The following TMEM132D variants were observed in gnomAD, a reference collection of about 807,000 sequenced individuals.
TMEM132D encodes the protein transmembrane protein 132D, also known as mature OL transmembrane protein.
TMEM132D carries 21 observed loss-of-function variants against 62.3 expected under a neutral mutation model. The observed-to-expected ratio is 0.34, with a 90% CI of 0.24 to 0.49. TMEM132D has a LOEUF of 0.49. TMEM132D is among the 20% of genes least tolerant of loss of function. The probability of loss-of-function intolerance (pLI) is 0.99; values close to 1 mark genes in which losing one functional copy is unlikely to be tolerated. For missense variants in TMEM132D, 1,346 were observed against 1,402.8 expected (o/e 0.96, Z 0.65); for synonymous variants, 621 against 575.6 (o/e 1.08, Z -1.13).
intron 2 of TMEM132D, among the ~76,000 whole-genome samples, chr12:129,682,079 T>C (rs1458010767): frequency 1.3e-5 from 2 of 152,234 alleles, no homozygotes; most frequent in African/African-American, 4.8e-5. Context: ...GCTTTGACCA[T>C]GGTCCTCTTT....
chr12:129,144,900 C>CTCTATCTATCTA lies in TMEM132D; in HGVS notation c.1444-60210_1444-60199dup, dbSNP rs35319395. ...TACCATTCACCTATTATCTATCCTGCTCTATCTATCTATCTATCTATCTAT... is the reference window on the plus strand; with the variant it reads ...TACCATTCACCTATTATCTATCCTGCTCTATCTATCTATCTATCTATCTATCTATCTATCTAT... On this transcript the variant is annotated intron_variant, in intron 5 of 8. Transcript: ENST00000422113. Among the ~76,000 whole-genome samples, 589 of 150,972 alleles carry CTCTATCTATCTA rather than the reference C, an allele frequency of 3.9e-3. 9 individuals carry two copies. The highest frequency in any genetic ancestry group is 0.013 in the African/African-American group (554 of 41,090).
chr12:129,795,627 G>A (rs1385341328), intron 1 of TMEM132D, among the ~76,000 whole-genome samples: 7 of 152,252 alleles, frequency 4.6e-5, no homozygotes, highest in East Asian at 1.9e-4. Context: ...GACAGACACC[G>A]TGTGTAATGT....
chr12:129,721,654 G>A (rs1868835369), intron 1 of TMEM132D, among the ~76,000 whole-genome samples: 1 of 152,140 alleles, frequency 6.6e-6, no homozygotes, highest in South Asian at 2.1e-4. Flanking sequence ...CCTGCTGGGG[G>A]CTTCAATGAC....
intron 5 of TMEM132D, among the ~76,000 whole-genome samples, chr12:129,087,223 G>GA (rs1430808301): frequency 6.6e-6 from 1 of 152,098 alleles, no homozygotes; most frequent in Admixed American, 6.6e-5. Flanking sequence ...CGTCATGTAG[G>GA]ATCTGCCGTT....
At chr12:129,242,575 T>C (rs1453506817) in intron 4 of TMEM132D, among the ~76,000 whole-genome samples, 2 of 152,192 alleles carry the variant, frequency 1.3e-5, no homozygotes, top group Non-Finnish European at 1.5e-5. Flanking sequence ...TTCATTTTCA[T>C]GGGTTATCAC....
rs886992920 is a variant in TMEM132D at position 129,530,911 on chromosome 12, C to A, written c.1115+148G>T. ...CCTTTCCCAAATGAAAGATTCCATT[C>A]ATCTACCTGGAGGCCCTGATAGAAT... On this transcript the variant is annotated intron_variant, in intron 3 of 8. Coordinates refer to ENST00000422113, the MANE Select transcript of TMEM132D (RefSeq NM_133448.3). 8 of 790,242 alleles carry A rather than the reference C, an allele frequency of 1.0e-5. No individual in the cohort carries two copies. The African/African-American group carries it at 1.4e-4, about 14-fold the overall frequency. 49.0% of individuals were successfully genotyped at this position (790,242 alleles called of 1,614,324 possible).
intron 3 of TMEM132D, among the ~76,000 whole-genome samples, chr12:129,494,878 C>T (rs73429779): frequency 6.6e-6 from 1 of 152,180 alleles, no homozygotes; most frequent in South Asian, 2.1e-4. Flanking sequence ...TCCTCAAACA[C>T]TTCAGACATA....
At chr12:129,113,466 A>G (rs1320077339) in intron 5 of TMEM132D, among the ~76,000 whole-genome samples, 3 of 152,202 alleles carry the variant, frequency 2.0e-5, no homozygotes, top group Non-Finnish European at 2.9e-5. Context: ...GGCTCTGGAG[A>G]TACAGGAGGA....
At chr12:129,778,874 T>G (rs1264452525) in intron 1 of TMEM132D, among the ~76,000 whole-genome samples, 6 of 152,200 alleles carry the variant, frequency 3.9e-5, no homozygotes, top group Non-Finnish European at 8.8e-5. Context: ...ATTATATAGC[T>G]GCTTACCTCG....
chr12:129,603,576 C>T (rs1313093251), intron 2 of TMEM132D, among the ~76,000 whole-genome samples: 1 of 152,178 alleles, frequency 6.6e-6, no homozygotes, highest in Non-Finnish European at 1.5e-5. Flanking sequence ...AAAAGTTCAT[C>T]ATCACTGGTC....
chr12:129,678,569 A>T (rs1880697377), intron 2 of TMEM132D, among the ~76,000 whole-genome samples: 1 of 152,100 alleles, frequency 6.6e-6, no homozygotes, highest in Non-Finnish European at 1.5e-5. Flanking sequence ...TTGTTGGTTT[A>T]TTTATTACAA....
chr12:129,073,789 G>T lies in TMEM132D; in HGVS notation c.*86C>A. ...CATCCTTATTTTGTCCTGCTGCTTT[G>T]TTTCTCTTCCGGGGGCACCGTTGCT... On this transcript the variant is annotated 3_prime_UTR_variant, in exon 9 of 9. Coordinates refer to ENST00000422113, the MANE Select transcript of TMEM132D (RefSeq NM_133448.3). 2 of 1,238,346 alleles carry T rather than the reference G, an allele frequency of 1.6e-6. No homozygotes were observed. The highest frequency in any genetic ancestry group is 2.3e-6 in the Non-Finnish European group (2 of 885,072). 76.7% of individuals were successfully genotyped at this position (1,238,346 alleles called of 1,614,324 possible). A position where few individuals can be genotyped will look rare whatever the true frequency, so the allele number is the denominator to read the frequency against.
intron 2 of TMEM132D, among the ~76,000 whole-genome samples, chr12:129,614,084 C>T (rs1226358690): frequency 7.3e-6 from 1 of 137,800 alleles, no homozygotes; most frequent in Non-Finnish European, 1.6e-5. Flanking sequence ...TCTCCAGGAC[C>T]CAGGTGACTG....
intron 1 of TMEM132D, among the ~76,000 whole-genome samples, chr12:129,861,715 C>T (rs1292080989): frequency 6.8e-6 from 1 of 146,558 alleles, no homozygotes; most frequent in Non-Finnish European, 1.5e-5. Context: ...GATTGCACCA[C>T]TGCACTCCAG....
At chr12:129,823,680 GA>G (rs1164586741) in intron 1 of TMEM132D, among the ~76,000 whole-genome samples, 1 of 152,252 alleles carries the variant, frequency 6.6e-6, no homozygotes, top group African/African-American at 2.4e-5. Flanking sequence ...GCTGTAGGAA[GA>G]ATCGTGGAGA....
chr12:129,803,739 A>G (rs1040537616), intron 1 of TMEM132D, among the ~76,000 whole-genome samples: 27 of 152,060 alleles, frequency 1.8e-4, no homozygotes, highest in Non-Finnish European at 3.7e-4. Context: ...CAAAAAATTA[A>G]TGAATCAAGG....
At chr12:129,362,541 T>C (rs1870282201) in intron 3 of TMEM132D, among the ~76,000 whole-genome samples, 1 of 151,912 alleles carries the variant, frequency 6.6e-6, no homozygotes, top group African/African-American at 2.4e-5. Flanking sequence ...AAAAAAAACA[T>C]ATTCGCCTGG....
intron 2 of TMEM132D, among the ~76,000 whole-genome samples, chr12:129,645,330 C>A (rs1479694188): frequency 6.6e-6 from 1 of 152,148 alleles, no homozygotes; most frequent in African/African-American, 2.4e-5. Context: ...TCCAACATAA[C>A]CTGATTCTGG....
intron 2 of TMEM132D, among the ~76,000 whole-genome samples, chr12:129,612,785 G>A (rs543764468): frequency 1.8e-4 from 28 of 152,170 alleles, no homozygotes; most frequent in African/African-American, 6.7e-4. Flanking sequence ...AAAGACCTGG[G>A]CTTTTTGGAA....
Sources: gnomAD v4.1 joint callset for allele counts (sites outside exome capture counted in the v4.1 genomes callset) on GRCh38, gnomAD v4.1.1 for gene constraint, MANE v1.5 for transcripts, NCBI Gene and HGNC (gene_info 2026-07-23, HGNC 2026-07-21) for gene names.